The following BRAF variants were observed in gnomAD, a reference collection of about 807,000 sequenced individuals.
BRAF encodes the protein B-Raf proto-oncogene, serine/threonine kinase.
BRAF carries 16 observed loss-of-function variants against 104.6 expected under a neutral mutation model. The ratio of observed to expected loss-of-function variants is 0.15; its 90% CI spans 0.10 to 0.23. The LOEUF (loss-of-function observed/expected upper bound fraction) is 0.23, where lower values mean the gene tolerates loss of function less well. BRAF is among the 10% of genes least tolerant of loss of function. The probability of loss-of-function intolerance (pLI) is 1.00; values close to 1 mark genes in which losing one functional copy is unlikely to be tolerated. For missense variants in BRAF, 541 were observed against 937.3 expected (o/e 0.58, Z 5.52); for synonymous variants, 310 against 341.6 (o/e 0.91, Z 1.02).
intron 17 of BRAF, among the ~76,000 whole-genome samples, chr7:140,748,409 G>C (rs948541860): frequency 6.6e-6 from 1 of 152,100 alleles, no homozygotes; most frequent in African/African-American, 2.4e-5. Context: ...AAAAAATGCA[G>C]GTGATTGGAC....
At chr7:140,774,456 C>T (rs190831188) in intron 14 of BRAF, among the ~76,000 whole-genome samples, 2 of 152,288 alleles carry the variant, frequency 1.3e-5, no homozygotes, top group East Asian at 3.9e-4. Flanking sequence ...ACTGTTACTT[C>T]TTGTCTTAAT....
chr7:140,740,899 G>A lies in BRAF; in HGVS notation c.2113-953C>T, dbSNP rs1051911472. On this transcript the variant is annotated intron_variant, in intron 17 of 19. Transcript: ENST00000644969. ...GAACCTTGGAAAGAGTTACTGAATTGAGGGGATTACAGTTTTCTTTCACAA... is the reference window on the plus strand; with the variant it reads ...GAACCTTGGAAAGAGTTACTGAATTAAGGGGATTACAGTTTTCTTTCACAA... The A allele has an allele frequency of 3.3e-5, 5 of 152,160 alleles. No individual in the cohort carries two copies. The South Asian group carries it at 6.2e-4, about 19-fold the overall frequency. The allele number at this position is 152,160 out of a possible 1,614,324, so 9.4% of individuals were successfully genotyped here. A position where few individuals can be genotyped will look rare whatever the true frequency, so the allele number is the denominator to read the frequency against.
At chr7:140,824,536 A>C (rs1805804091) in intron 3 of BRAF, 1 of 152,030 alleles carries the variant, frequency 6.6e-6, no homozygotes, top group South Asian at 2.1e-4. Context: ...CTTTGTAGTA[A>C]GTTTTGAGAT....
chr7:140,886,359 T>C (rs1813561619), intron 1 of BRAF, among the ~76,000 whole-genome samples: 2 of 152,206 alleles, frequency 1.3e-5, no homozygotes, highest in African/African-American at 4.8e-5. Flanking sequence ...GCAAAACACA[T>C]AACTGATTCA....
chr7:140,825,725 C>G (rs1042090691), intron 3 of BRAF, among the ~76,000 whole-genome samples: 5 of 152,290 alleles, frequency 3.3e-5, no homozygotes, highest in Non-Finnish European at 7.3e-5. Context: ...ACAGGTACCT[C>G]TCAGTACTCT....
chr7:140,742,485 C>T (rs1163795826), intron 17 of BRAF, among the ~76,000 whole-genome samples: 11 of 152,170 alleles, frequency 7.2e-5, no homozygotes, highest in African/African-American at 1.2e-4. Context: ...TGAACCACCA[C>T]GCCCAGCCAA....
intron 17 of BRAF, chr7:140,741,063 A>C (rs1371025862): frequency 6.6e-6 from 1 of 152,214 alleles, no homozygotes; most frequent in Non-Finnish European, 1.5e-5. Context: ...AAAGCACTTC[A>C]AACAGGGGTC....
intron 8 of BRAF, among the ~76,000 whole-genome samples, chr7:140,789,842 T>C (rs1480626035): frequency 2.0e-5 from 3 of 152,230 alleles, no homozygotes; most frequent in African/African-American, 7.2e-5. Context: ...GCGATTCTCC[T>C]GCCTCGGCCT....
chr7:140,809,280 C>T (rs1215097266), intron 3 of BRAF, among the ~76,000 whole-genome samples: 1 of 151,628 alleles, frequency 6.6e-6, no homozygotes, highest in African/African-American at 2.4e-5. Context: ...TACAATATAC[C>T]CACCAACGCA....
At chr7:140,715,929 T>C (rs1439016826), downstream of BRAF, among the ~76,000 whole-genome samples, 1 of 152,228 alleles carries the variant, frequency 6.6e-6, no homozygotes, top group African/African-American at 2.4e-5. Flanking sequence ...GCCAAGCTCA[T>C]ACCTGAGATT....
intron 19 of BRAF, among the ~76,000 whole-genome samples, chr7:140,729,342 T>C (rs946764667): frequency 1.3e-5 from 2 of 152,090 alleles, no homozygotes; most frequent in African/African-American, 4.8e-5. Flanking sequence ...AACTTAAATA[T>C]TAGTCTTAAA....
chr7:140,746,661 C>A (rs1797371070), intron 17 of BRAF, among the ~76,000 whole-genome samples: 1 of 151,748 alleles, frequency 6.6e-6, no homozygotes. Context: ...AAACCCCTGT[C>A]TCTACCAAAA....
At chr7:140,831,718 T>C (rs1245834589) in intron 3 of BRAF, among the ~76,000 whole-genome samples, 1 of 152,190 alleles carries the variant, frequency 6.6e-6, no homozygotes, top group Non-Finnish European at 1.5e-5. Flanking sequence ...TTTTTTTGAA[T>C]TCAGAATTTC....
In BRAF at chr7:140,924,705, T is replaced by C; in HGVS notation, c.-2A>G. 1 of 1,014,750 alleles carries C rather than the reference T, an allele frequency of 9.9e-7. No homozygotes were observed. Among genetic ancestry groups the C allele is most frequent in the Non-Finnish European group, 1.5e-6 (1 of 687,792 alleles). 62.9% of individuals were successfully genotyped at this position (1,014,750 alleles called of 1,614,324 possible). A position where few individuals can be genotyped will look rare whatever the true frequency, so the allele number is the denominator to read the frequency against. Reference sequence around the variant, plus strand: ...ACCGCCACCGCTCAGCGCCGCCATCTTATAACCGAGAGCCGGGGCCCGAGC... The same window carrying C: ...ACCGCCACCGCTCAGCGCCGCCATCCTATAACCGAGAGCCGGGGCCCGAGC... On this transcript the variant is annotated 5_prime_UTR_variant, in exon 1 of 20. Transcript: ENST00000644969. This position sits in a 1 kb window ranked among gnomAD's most constrained non-coding sequence, Gnocchi z 4.2.
chr7:140,721,137 C>T lies in BRAF; in HGVS notation c.*5357G>A. On this transcript the variant is annotated 3_prime_UTR_variant, in exon 20 of 20. Transcript: ENST00000644969. ...CTTACATTGGCTGTGTCCTCATACACACTCGTCAAGTCACTATAATTATTC... is the reference window on the plus strand; with the variant it reads ...CTTACATTGGCTGTGTCCTCATACATACTCGTCAAGTCACTATAATTATTC... 1 of 1,063,748 alleles carries T rather than the reference C, an allele frequency of 9.4e-7. No homozygotes were observed. The highest frequency in any genetic ancestry group is 1.1e-6 in the Non-Finnish European group (1 of 877,964). 65.9% of individuals were successfully genotyped at this position (1,063,748 alleles called of 1,614,324 possible). A position where few individuals can be genotyped will look rare whatever the true frequency, so the allele number is the denominator to read the frequency against.
rs765919759 is a variant in BRAF at position 140,765,127 on chromosome 7, C to G, written c.1815-10894G>C. ...TATAGATCAATGGAACAGAACAGAG[C>G]CCTCAGAAATAACGCCACATATCTA... is the stretch of plus-strand genomic sequence containing the variant. On this transcript the variant is annotated intron_variant, in intron 14 of 19. Transcript: ENST00000644969. 8.5e-4 allele frequency among the ~76,000 whole-genome samples: 129 copies of G among 152,118 alleles called. 1 individual carries two copies. The Middle Eastern group carries it at 0.01, about 12-fold the overall frequency.
At chr7:140,863,104 C>A (rs1195572403) in intron 1 of BRAF, among the ~76,000 whole-genome samples, 1 of 151,904 alleles carries the variant, frequency 6.6e-6, no homozygotes, top group East Asian at 1.9e-4. Context: ...AGAATTTTAC[C>A]AATCTCTCAC....
intron 1 of BRAF, among the ~76,000 whole-genome samples, chr7:140,897,688 T>C (rs1160872587): frequency 6.6e-6 from 1 of 151,484 alleles, no homozygotes; most frequent in African/African-American, 2.4e-5. Flanking sequence ...AGAGATGGGG[T>C]TTCACCATGT....
intron 1 of BRAF, among the ~76,000 whole-genome samples, chr7:140,912,963 C>T (rs991920112): frequency 1.3e-5 from 2 of 152,204 alleles, no homozygotes; most frequent in African/African-American, 4.8e-5. Context: ...CTACCTTGCC[C>T]CAGCAACTTT....
Sources: gnomAD v4.1 joint callset for allele counts (sites outside exome capture counted in the v4.1 genomes callset) on GRCh38, gnomAD v4.1.1 for gene constraint, Gnocchi (gnomAD v3.1) non-coding constraint, MANE v1.5 for transcripts, NCBI Gene and HGNC (gene_info 2026-07-23, HGNC 2026-07-21) for gene names.